The following PLEC variants were observed in gnomAD, a reference collection of about 807,000 sequenced individuals.
PLEC encodes the protein hemidesmosomal protein 1.
A neutral mutation model predicts 392.8 loss-of-function variants in PLEC; 216 were observed. That is an observed-to-expected ratio of 0.55 (90% CI 0.49 to 0.62). PLEC has a LOEUF of 0.62. PLEC is among the 20% of genes least tolerant of loss of function. The pLI is 0.00. For missense variants in PLEC, 6,863 were observed against 6,563.4 expected, an observed-to-expected ratio of 1.05 and a Z score of -1.58; for synonymous variants, 3,621 against 2,980.6, an observed-to-expected ratio of 1.21 and a Z score of -7.00.
At chr8:143,939,631 C>G, upstream of PLEC, 1 of 1,429,074 alleles carries the variant, frequency 7.0e-7, no homozygotes, top group South Asian at 1.5e-5. Flanking sequence ...TGCTGTACTC[C>G]CCGGCGAGGC....
intron 1 of PLEC, chr8:143,945,083 G>A: frequency 2.5e-6 from 1 of 401,378 alleles, no homozygotes; most frequent in Non-Finnish European, 4.8e-6. Context: ...CAAGCCAGGG[G>A]GTGCTCTTGG....
chr8:143,952,564 C>A (rs565260608), upstream of PLEC, among the ~76,000 whole-genome samples: 3 of 152,214 alleles, frequency 2.0e-5, no homozygotes, highest in East Asian at 3.9e-4. Context: ...CGCACCCCCC[C>A]ACACTGACCT....
rs1821677576 is a variant in PLEC at position 143,919,252 on chromosome 8, G to A, written c.10569C>T (p.Tyr3523=). 1 of 1,614,006 alleles carries A rather than the reference G, an allele frequency of 6.2e-7. No individual in the cohort carries two copies. Among genetic ancestry groups the A allele is most frequent in the Non-Finnish European group, 8.5e-7 (1 of 1,180,034 alleles). ...CCACGCACCGCTCCAGCAGCTGCCT[G>A]TACGTGAGGTTCTCATGCGTGTTGG... The part of the protein sequence containing the change: ...FDPNTHENLT[Y]RQLLERCVED... Residue 3523 remains tyrosine, a synonymous_variant, in exon 32 of 32, where the codon TAC becomes TAT. Transcript: ENST00000345136.
intron 1 of PLEC, among the ~76,000 whole-genome samples, chr8:143,960,333 T>A (rs1298635645): frequency 2.0e-5 from 3 of 151,000 alleles, no homozygotes; most frequent in Non-Finnish European, 4.4e-5. Flanking sequence ...AAATAAAAAC[T>A]TAGGCCAAGC....
At chr8:143,960,572 G>A (rs1304915472) in intron 1 of PLEC, among the ~76,000 whole-genome samples, 4 of 151,356 alleles carry the variant, frequency 2.6e-5, no homozygotes, top group Non-Finnish European at 4.4e-5. Context: ...AGCTGAGACT[G>A]CATCTCTGCA....
chr8:143,937,499 G>A (rs1334382170), intron 3 of PLEC, among the ~76,000 whole-genome samples: 2 of 152,190 alleles, frequency 1.3e-5, no homozygotes, highest in African/African-American at 4.8e-5. Flanking sequence ...CAATAGCCAG[G>A]AAGCCTCGTG....
rs1554701390 is a variant in PLEC at position 143,925,231 on chromosome 8, G to A, written c.4698C>T (p.Ala1566=). The part of the protein sequence containing the change: ...EVERARQVQV[A]LETAQRSAEA... ...CTGCACTGCGCTGCGCCGTCTCCAGGGCCACCTGTACCTGCCGCGCTCGCT... is the reference window on the plus strand; with the variant it reads ...CTGCACTGCGCTGCGCCGTCTCCAGAGCCACCTGTACCTGCCGCGCTCGCT... Residue 1566 remains alanine, a synonymous_variant, in exon 31 of 32, where the codon GCC becomes GCT. Coordinates refer to ENST00000345136, the MANE Select transcript of PLEC (RefSeq NM_201384.3). The A allele has an allele frequency of 1.7e-5, 27 of 1,588,558 alleles. No individual in the cohort carries two copies. Among genetic ancestry groups the A allele is most frequent in the Non-Finnish European group, 2.0e-5 (23 of 1,175,710 alleles).
chr8:143,942,568 A>C, upstream of PLEC: 1 of 1,493,358 alleles, frequency 6.7e-7, no homozygotes, highest in Non-Finnish European at 8.9e-7. Flanking sequence ...GGGGAGCTGG[A>C]CCGCGGCGGC....
In PLEC at chr8:143,920,506, G is replaced by A. The variant is rs886044818; in HGVS notation, c.9315C>T (p.Tyr3105=). 13 of 1,610,670 alleles carry A rather than the reference G, an allele frequency of 8.1e-6. No homozygotes were observed. Among genetic ancestry groups the A allele is most frequent in the Non-Finnish European group, 1.1e-5 (13 of 1,179,354 alleles). The change falls in exon 32 of 32, where the codon TAC becomes TAT. Residue 3105 remains tyrosine, a synonymous_variant. Transcript: ENST00000345136. ...CGCTCTGCCCTGTGTAGGGGTCCCT[G>A]TACCCTGTCACAGCCTTCTCGGCTG... The part of the protein sequence containing the change: ...LLSAEKAVTG[Y]RDPYTGQSVS...
At chr8:143,950,041 A>AG (rs1260722789) in intron 1 of PLEC, 44 of 1,084,492 alleles carry the variant, frequency 4.1e-5, no homozygotes, top group Middle Eastern at 3.1e-4. Context: ...ACCCTCGGCT[A>AG]GGGGGGGCCA....
chr8:143,937,028 T>A lies in PLEC; in HGVS notation c.386A>T (p.Asn129Ile). The A allele has an allele frequency of 6.2e-7, 1 of 1,613,036 alleles. No individual in the cohort carries two copies. The highest frequency in any genetic ancestry group is 8.5e-7 in the Non-Finnish European group (1 of 1,179,824). ...GATGAGGCCAAGGGTCAGCTTGGGG[T>A]TGCCGTCAGCGATGTCATCATTCCT... ...NIRNDDIADGNPKLTLGLIWT... is the reference protein window; with the variant it reads ...NIRNDDIADGIPKLTLGLIWT... The change falls in exon 5 of 32, where the codon AAC becomes ATC. Residue 129 changes from asparagine to isoleucine, a missense_variant. Coordinates refer to ENST00000345136, the MANE Select transcript of PLEC (RefSeq NM_201384.3).
In PLEC at chr8:143,939,336, G is replaced by T; in HGVS notation, c.112+14C>A. The T allele has an allele frequency of 6.2e-7, 1 of 1,607,476 alleles. No homozygotes were observed. Among genetic ancestry groups the T allele is most frequent in the East Asian group, 2.2e-5 (1 of 44,668 alleles). The stretch of plus-strand genomic sequence containing the variant: ...GCCCTGCCTGGCGGGGGTGCCCGAG[G>T]GGAGCCCTGCTACCTTTCTTGCCCT... On this transcript the variant is annotated intron_variant, in intron 1 of 31. Transcript: ENST00000345136.
exon 1 of PLEC, chr8:143,950,731 G>A: frequency 6.5e-7 from 1 of 1,547,852 alleles, no homozygotes; most frequent in Non-Finnish European, 8.7e-7. Flanking sequence ...GGCAGTCAGT[G>A]CGGGGGCAAA....
chr8:143,937,606 G>A (rs1185376943), intron 3 of PLEC: 2 of 502,008 alleles, frequency 4.0e-6, no homozygotes, highest in Non-Finnish European at 7.7e-6. Context: ...GCAGCACGGT[G>A]GACGGGCAGC....
intron 1 of PLEC, chr8:143,946,498 A>G (rs1159222668): frequency 6.1e-6 from 5 of 822,260 alleles, no homozygotes; most frequent in Non-Finnish European, 1.7e-6. Flanking sequence ...ATGCCCTGGT[A>G]GCAGCGGCTC....
chr8:143,937,956 C>T (rs1829488725), intron 3 of PLEC, among the ~76,000 whole-genome samples, 195 bp downstream of exon 3: 1 of 152,180 alleles, frequency 6.6e-6, no homozygotes, highest in African/African-American at 2.4e-5. Context: ...AGGCCAGGCC[C>T]TCGGCTGTGA....
chr8:143,933,482 C>T (rs1828019221), intron 12 of PLEC, 131 bp from the exon 13 acceptor site: 1 of 1,062,608 alleles, frequency 9.4e-7, no homozygotes, highest in South Asian at 1.3e-5. Flanking sequence ...CTGTCCTTCC[C>T]CTTCCCTCCC....
In PLEC at chr8:143,931,435, G is replaced by A. The variant is rs1224137273; in HGVS notation, c.2304+99C>T. On this transcript the variant is annotated intron_variant, in intron 19 of 31. Transcript: ENST00000345136. Reference sequence around the variant, plus strand: ...CCTCCCATGGTGCCTCCCAACTCCTGCTGGCCCCTCCAGTTGCCCCCTAGT... The same window carrying A: ...CCTCCCATGGTGCCTCCCAACTCCTACTGGCCCCTCCAGTTGCCCCCTAGT... 5 of 1,309,686 alleles carry A rather than the reference G, an allele frequency of 3.8e-6. No individual in the cohort carries two copies. The East Asian group carries it at 1.3e-4, about 33-fold the overall frequency. The allele number at this position is 1,309,686 out of a possible 1,614,324, so 81.1% of individuals were successfully genotyped here.
intron 31 of PLEC, 28 bp downstream of exon 31, chr8:143,922,476 C>T (rs200347806): frequency 1.6e-5 from 26 of 1,603,274 alleles, no homozygotes; most frequent in Admixed American, 3.3e-5. Flanking sequence ...CGGGCCCACC[C>T]GCCCGTCGCA....
Sources: gnomAD v4.1 joint callset for allele counts (sites outside exome capture counted in the v4.1 genomes callset) on GRCh38, gnomAD v4.1.1 for gene constraint, MANE v1.5 for transcripts, NCBI Gene and HGNC (gene_info 2026-07-23, HGNC 2026-07-21) for gene names.